DIAPH2: variants seen among roughly 807,000 people sequenced by gnomAD.
DIAPH2 encodes diaphanous related formin 2.
Under a neutral mutation model 92.7 loss-of-function variants are expected in DIAPH2, and 35 were observed. The ratio of observed to expected loss-of-function variants is 0.38; its 90% CI spans 0.29 to 0.50. The LOEUF (loss-of-function observed/expected upper bound fraction) is 0.50. Among genes scored for constraint, DIAPH2 ranks in the 20% least tolerant of loss-of-function variants. The pLI, the probability that DIAPH2 is intolerant of heterozygous loss-of-function variation, is 0.94. For synonymous variants in DIAPH2, 301 were observed against 280.4 expected (o/e 1.07, Z -0.73); for missense variants, 701 against 819.5 (o/e 0.86, Z 1.77).
rs190871195 is a variant in DIAPH2 at position 96,922,885 on chromosome X, C to T, written c.978+4268C>T. The stretch of plus-strand genomic sequence containing the variant: ...ATGAGGTGATATTTTAACTAGGCCT[C>T]GAAGGACAAGTAAGCATTTTTCATA... On this transcript the variant is annotated intron_variant, in intron 9 of 26. Coordinates refer to ENST00000324765, the MANE Select transcript of DIAPH2 (RefSeq NM_006729.5). 7.2e-5 allele frequency among the ~76,000 whole-genome samples: 8 copies of T among 111,450 alleles called. No homozygotes were observed. In the East Asian group the frequency reaches 2.0e-3, roughly 27 times the overall value.
intron 17 of DIAPH2, among the ~76,000 whole-genome samples, chrX:96,979,894 C>T (rs1014371926): frequency 2.7e-5 from 3 of 111,450 alleles, no homozygotes; most frequent in Non-Finnish European, 5.6e-5. Flanking sequence ...GCTGCAATTG[C>T]TTGGATCTGC....
intron 26 of DIAPH2, among the ~76,000 whole-genome samples, chrX:97,443,151 T>TCGC (rs1269178592): frequency 8.9e-6 from 1 of 111,872 alleles, no homozygotes; most frequent in Admixed American, 9.5e-5. Flanking sequence ...TTCCTTTGCC[T>TCGC]CGGCCTCTCA....
At chrX:96,900,456 C>G (rs1371434851) in intron 5 of DIAPH2, among the ~76,000 whole-genome samples, 1 of 111,296 alleles carries the variant, frequency 9.0e-6, no homozygotes, top group African/African-American at 3.3e-5. Context: ...TTTGGATGCT[C>G]TTTATTTCTT....
intron 4 of DIAPH2, among the ~76,000 whole-genome samples, chrX:96,803,711 G>T (rs989019470): frequency 1.8e-5 from 2 of 111,915 alleles, no homozygotes; most frequent in Non-Finnish European, 3.8e-5. Context: ...ACTTGTTTTG[G>T]CATTTGATAC....
At chrX:96,833,200 T>A (rs2064866844) in intron 4 of DIAPH2, among the ~76,000 whole-genome samples, 1 of 111,599 alleles carries the variant, frequency 9.0e-6, no homozygotes, top group Non-Finnish European at 1.9e-5. Context: ...TGTGGAATGG[T>A]AAATTGAAAG....
At chrX:96,776,272 G>A (rs1048724220) in intron 4 of DIAPH2, among the ~76,000 whole-genome samples, 21 of 110,726 alleles carry the variant, frequency 1.9e-4, no homozygotes, top group African/African-American at 5.9e-4. Context: ...GTGCAGTGGC[G>A]CAATCCCTGC....
intron 26 of DIAPH2, among the ~76,000 whole-genome samples, chrX:97,511,542 T>A (rs1031543733): frequency 8.2e-5 from 9 of 109,594 alleles, no homozygotes; most frequent in African/African-American, 3.0e-4. Context: ...CTTCCAAGAC[T>A]ATGTTGAATA....
At chrX:96,686,877 G>T (rs968999577) in intron 1 of DIAPH2, among the ~76,000 whole-genome samples, 1 of 111,397 alleles carries the variant, frequency 9.0e-6, no homozygotes, top group African/African-American at 3.3e-5. Context: ...TTTTTATTTT[G>T]AGTATTATGT....
At chrX:96,836,427 A>G (rs1391110834) in intron 4 of DIAPH2, among the ~76,000 whole-genome samples, 1 of 108,741 alleles carries the variant, frequency 9.2e-6, no homozygotes, top group Non-Finnish European at 1.9e-5. Flanking sequence ...TGATTTCCAT[A>G]TAATTATATA....
At chrX:96,830,597 A>T (rs1602546351) in intron 4 of DIAPH2, among the ~76,000 whole-genome samples, 1 of 96,830 alleles carries the variant, frequency 1.0e-5, no homozygotes, top group East Asian at 3.0e-4. Flanking sequence ...AAAAAAAAAA[A>T]TGAGCAAATG....
intron 26 of DIAPH2, among the ~76,000 whole-genome samples, chrX:97,507,889 G>A (rs138197287): frequency 0.028 from 3,059 of 111,189 alleles, 101 homozygotes; most frequent in African/African-American, 0.095. Context: ...TGGAAGGGAA[G>A]AAGGGACAAA....
intron 26 of DIAPH2, among the ~76,000 whole-genome samples, chrX:97,555,725 G>A (rs565432236): frequency 1.8e-5 from 2 of 111,973 alleles, no homozygotes; most frequent in South Asian, 3.7e-4. Context: ...AAAGCCTTTT[G>A]TAAATAATAA....
intron 19 of DIAPH2, among the ~76,000 whole-genome samples, chrX:97,087,557 G>A (rs192470019): frequency 1.6e-4 from 18 of 111,118 alleles, no homozygotes; most frequent in Non-Finnish European, 2.8e-4. Context: ...TATGACCTTG[G>A]GCAAGTCACT....
intron 22 of DIAPH2, among the ~76,000 whole-genome samples, chrX:97,165,484 AGTTTT>A (rs938992334): frequency 1.8e-5 from 2 of 109,952 alleles, no homozygotes; most frequent in Admixed American, 9.7e-5. Context: ...TGTATTTTGG[AGTTTT>A]GTTTGTTTGT....
At chrX:97,486,645 C>T (rs903074310) in intron 26 of DIAPH2, among the ~76,000 whole-genome samples, 2 of 111,531 alleles carry the variant, frequency 1.8e-5, no homozygotes, top group African/African-American at 6.5e-5. Flanking sequence ...CCAGATTATT[C>T]ATATACTACA....
intron 26 of DIAPH2, among the ~76,000 whole-genome samples, chrX:97,464,402 A>G (rs1266762423): frequency 9.2e-6 from 1 of 108,922 alleles, no homozygotes; most frequent in East Asian, 2.9e-4. Context: ...GCATGAACCC[A>G]GGAGGCGGAG....
intron 4 of DIAPH2, among the ~76,000 whole-genome samples, chrX:96,832,876 T>C (rs2064864161): frequency 9.0e-6 from 1 of 111,670 alleles, no homozygotes; most frequent in Non-Finnish European, 1.9e-5. Flanking sequence ...GATAAGATAA[T>C]GTTTTATCCA....
chrX:97,201,137 C>T lies in DIAPH2; in HGVS notation c.2720-46578C>T, dbSNP rs1211593775. Among the ~76,000 whole-genome samples the T allele has an allele frequency of 5.2e-4, 50 of 96,262 alleles. 1 individual carries two copies. Among genetic ancestry groups the T allele is most frequent in the African/African-American group, 1.7e-3 (46 of 26,442 alleles). The allele number at this position is 96,262 out of a possible 115,157, so 83.6% of individuals were successfully genotyped here. A position where few individuals can be genotyped will look rare whatever the true frequency, so the allele number is the denominator to read the frequency against. Reference sequence around the variant, plus strand: ...AACAGCATCAACAAGAAAGACCCCCCCCCCAAAAAAAACCCCATCCAAAGG... The same window carrying T: ...AACAGCATCAACAAGAAAGACCCCCTCCCCAAAAAAAACCCCATCCAAAGG... On this transcript the variant is annotated intron_variant, in intron 22 of 26. Coordinates refer to ENST00000324765, the MANE Select transcript of DIAPH2 (RefSeq NM_006729.5).
chrX:96,739,357 T>C (rs757909565), intron 3 of DIAPH2, among the ~76,000 whole-genome samples: 1 of 111,584 alleles, frequency 9.0e-6, no homozygotes, highest in Non-Finnish European at 1.9e-5. Context: ...AGATGAGGAA[T>C]TAAACCGTAT....
Sources: gnomAD v4.1 joint callset for allele counts (sites outside exome capture counted in the v4.1 genomes callset) on GRCh38, gnomAD v4.1.1 for gene constraint, MANE v1.5 for transcripts, NCBI Gene and HGNC (gene_info 2026-07-23, HGNC 2026-07-21) for gene names.